PRR29: variants seen among roughly 807,000 people sequenced by gnomAD.
PRR29 encodes proline rich 29, also known as proline-rich protein 29.
Under a neutral mutation model 25.1 loss-of-function variants are expected in PRR29, and 20 were observed. That is an observed-to-expected ratio of 0.80 (90% confidence interval 0.56 to 1.16). PRR29 has a LOEUF of 1.16. Among genes scored for constraint, PRR29 ranks in the 50% most tolerant of loss-of-function variants. The probability of loss-of-function intolerance (pLI) is 0.00; values close to 1 mark genes in which losing one functional copy is unlikely to be tolerated. For missense variants in PRR29, 238 were observed against 246.6 expected (o/e 0.97, Z 0.23); for synonymous variants, 108 against 102.6 (o/e 1.05, Z -0.32).
At position 64,002,149 on chromosome 17, in the gene PRR29, A is replaced by T. The variant is rs1910815780; in HGVS notation, c.*388A>T. On this transcript the variant is annotated 3_prime_UTR_variant, in exon 6 of 6. Coordinates refer to ENST00000412177, the MANE Select transcript of PRR29 (RefSeq NM_001164257.2). The stretch of plus-strand genomic sequence containing the variant: ...CAGCCTAGTAATGGAGCAAGAGGGG[A>T]GGGGGGGATTCCTTCTGCTTTCCAC... 2 of 798,580 alleles carry T rather than the reference A, an allele frequency of 2.5e-6. No individual in the cohort carries two copies. Among genetic ancestry groups the T allele is most frequent in the East Asian group, 5.4e-5 (2 of 37,284 alleles). 49.5% of individuals were successfully genotyped at this position (798,580 alleles called of 1,614,324 possible). A position where few individuals can be genotyped will look rare whatever the true frequency, so the allele number is the denominator to read the frequency against.
At chr17:63,998,473 A>T (rs933980362) in intron 1 of PRR29, 49 bp downstream of exon 1, 15 of 1,444,858 alleles carry the variant, frequency 1.0e-5, no homozygotes, top group Non-Finnish European at 9.1e-7. Context: ...GGGAGACGGC[A>T]GAGTGGGGAG....
chr17:64,000,484 C>G (rs368847942), intron 3 of PRR29, among the ~76,000 whole-genome samples: 18 of 152,006 alleles, frequency 1.2e-4, no homozygotes, highest in African/African-American at 4.3e-4. Flanking sequence ...CGCCTGCCAC[C>G]ACACCCGGCT....
intron 5 of PRR29, 74 bp downstream of exon 5, chr17:64,001,611 C>T: frequency 6.7e-7 from 1 of 1,494,230 alleles, no homozygotes; most frequent in Non-Finnish European, 8.9e-7. Context: ...CCTGTGCCCT[C>T]TGGTGGGGTT....
Position 64,001,849 on chromosome 17 carries a change from C to G in PRR29, c.*88C>G, listed in dbSNP as rs1368781148. ...CTCCTGCACCTCTCTTGTCGACTCC[C>G]CGGTGCCCATGGCTGGCAGTCCTTC... On this transcript the variant is annotated 3_prime_UTR_variant, in exon 6 of 6. Transcript: ENST00000412177. 1 of 1,536,998 alleles carries G rather than the reference C, an allele frequency of 6.5e-7. No homozygotes were observed. The highest frequency in any genetic ancestry group is 1.4e-5 in the African/African-American group (1 of 73,138).
rs1461504849 is a variant in PRR29 at position 64,001,928 on chromosome 17, C to T, written c.*167C>T. 6.5e-7 allele frequency: 1 copy of T among 1,535,468 alleles called. No individual in the cohort carries two copies. The highest frequency in any genetic ancestry group is 8.7e-7 in the Non-Finnish European group (1 of 1,146,584). ...TTCTCCTGGGGAAATCAGTCCCTGC[C>T]CCACGCCAATGAGTTCCTGGACGGG... On this transcript the variant is annotated 3_prime_UTR_variant, in exon 6 of 6. Coordinates refer to ENST00000412177, the MANE Select transcript of PRR29 (RefSeq NM_001164257.2).
chr17:64,002,598 G>A lies in PRR29; in HGVS notation c.*837G>A. On this transcript the variant is annotated 3_prime_UTR_variant, in exon 6 of 6. Coordinates refer to ENST00000412177, the MANE Select transcript of PRR29 (RefSeq NM_001164257.2). Reference sequence around the variant, plus strand: ...GGAGACACTGTGGGCACAGGGCTAAGTCCAGGTGTTTGTATTCGGGCTAGA... The same window carrying A: ...GGAGACACTGTGGGCACAGGGCTAAATCCAGGTGTTTGTATTCGGGCTAGA... 1.4e-6 allele frequency: 1 copy of A among 718,374 alleles called. No individual in the cohort carries two copies. The highest frequency in any genetic ancestry group is 1.8e-5 in the South Asian group (1 of 55,674). The allele number at this position is 718,374 out of a possible 1,614,324, so 44.5% of individuals were successfully genotyped here. A position where few individuals can be genotyped will look rare whatever the true frequency, so the allele number is the denominator to read the frequency against.
In PRR29 at chr17:64,001,777, C is replaced by T; in HGVS notation, c.*16C>T. The T allele has an allele frequency of 6.5e-7, 1 of 1,537,180 alleles. No individual in the cohort carries two copies. The highest frequency in any genetic ancestry group is 8.7e-7 in the Non-Finnish European group (1 of 1,146,886). ...CCTCCTATGAGGACAGACCCCGGCC[C>T]TGGGAACTGCACCAGCTTCCTGCTC... On this transcript the variant is annotated 3_prime_UTR_variant, in exon 6 of 6. Coordinates refer to ENST00000412177, the MANE Select transcript of PRR29 (RefSeq NM_001164257.2).
rs1039921195 is a variant in PRR29, at chr17:63,998,427, G to A, written c.60+3G>A. Reference sequence around the variant, plus strand: ...CACCGCAGAGCGCAGTCCCGACGGTGAGGGCTGAGCCCGGGAGCAGATCCT... The same window carrying A: ...CACCGCAGAGCGCAGTCCCGACGGTAAGGGCTGAGCCCGGGAGCAGATCCT... On this transcript the variant is annotated splice_donor_region_variant and intron_variant, in intron 1 of 5. Transcript: ENST00000412177. 14 of 1,488,098 alleles carry A rather than the reference G, an allele frequency of 9.4e-6. No homozygotes were observed. The Middle Eastern group carries it at 7.0e-4, about 74-fold the overall frequency. The allele number at this position is 1,488,098 out of a possible 1,614,324, so 92.2% of individuals were successfully genotyped here. A position where few individuals can be genotyped will look rare whatever the true frequency, so the allele number is the denominator to read the frequency against.
Position 64,003,009 on chromosome 17 carries a change from C to A in PRR29, c.*1248C>A, listed in dbSNP as rs1410136357. 5.9e-6 allele frequency: 7 copies of A among 1,190,644 alleles called. No homozygotes were observed. The highest frequency in any genetic ancestry group is 8.3e-6 in the Non-Finnish European group (7 of 846,540). 73.8% of individuals were successfully genotyped at this position (1,190,644 alleles called of 1,614,324 possible). A position where few individuals can be genotyped will look rare whatever the true frequency, so the allele number is the denominator to read the frequency against. On this transcript the variant is annotated 3_prime_UTR_variant, in exon 6 of 6. Transcript: ENST00000412177. ...AAAGGGAGTGGAAGTCCACCCCCAA[C>A]CCAGACCCCCAGACCCCGCCGCCCG...
At position 64,002,744 on chromosome 17, in the gene PRR29, T is replaced by C; in HGVS notation, c.*983T>C. The C allele has an allele frequency of 1.9e-6, 3 of 1,610,244 alleles. No homozygotes were observed. Among genetic ancestry groups the C allele is most frequent in the Non-Finnish European group, 2.5e-6 (3 of 1,179,248 alleles). On this transcript the variant is annotated 3_prime_UTR_variant, in exon 6 of 6. Coordinates refer to ENST00000412177, the MANE Select transcript of PRR29 (RefSeq NM_001164257.2). ...GTGGTGGTGGCCATGCCACTCATGGTTGCTATGGCCGGAAGGCCTGGGGCA... is the reference window on the plus strand; with the variant it reads ...GTGGTGGTGGCCATGCCACTCATGGCTGCTATGGCCGGAAGGCCTGGGGCA...
chr17:63,999,050 C>G lies in PRR29; in HGVS notation c.219C>G (p.Pro73=). Residue 73 remains proline, a synonymous_variant, in exon 3 of 6, where the codon CCC becomes CCG. Transcript: ENST00000412177. ...LSRLVAGALQ[P]RPASPCPQVY... ...GCCTGGTGGCTGGAGCGCTGCAGCC[C>G]CGGCCTGCCTCGCCCTGCCCTCAGG... is the stretch of plus-strand genomic sequence containing the variant. 6 of 1,535,866 alleles carry G rather than the reference C, an allele frequency of 3.9e-6. No homozygotes were observed. Among genetic ancestry groups the G allele is most frequent in the Non-Finnish European group, 5.2e-6 (6 of 1,146,738 alleles).
In PRR29 at chr17:64,002,109, G is replaced by C. The variant is rs557509127; in HGVS notation, c.*348G>C. On this transcript the variant is annotated 3_prime_UTR_variant, in exon 6 of 6. Coordinates refer to ENST00000412177, the MANE Select transcript of PRR29 (RefSeq NM_001164257.2). ...TCTCCCTCACCCCTCTCTCTGGGAT[G>C]ATGAGGTCTCCTTCCAGCCTAGTAA... The C allele has an allele frequency of 1.1e-5, 12 of 1,049,698 alleles. No individual in the cohort carries two copies. The African/African-American group carries it at 1.3e-4, about 11-fold the overall frequency. The allele number at this position is 1,049,698 out of a possible 1,614,324, so 65.0% of individuals were successfully genotyped here. A position where few individuals can be genotyped will look rare whatever the true frequency, so the allele number is the denominator to read the frequency against.
chr17:64,004,285 A>G lies in PRR29; in HGVS notation c.*2524A>G. 1 of 310,486 alleles carries G rather than the reference A, an allele frequency of 3.2e-6. No individual in the cohort carries two copies. The highest frequency in any genetic ancestry group is 6.1e-6 in the Non-Finnish European group (1 of 164,748). The allele number at this position is 310,486 out of a possible 1,614,324, so 19.2% of individuals were successfully genotyped here. On this transcript the variant is annotated 3_prime_UTR_variant, in exon 6 of 6. Coordinates refer to ENST00000412177, the MANE Select transcript of PRR29 (RefSeq NM_001164257.2). ...ATGAAATATAAATTTCAAACATTAA[A>G]CAGTTGGGTGATCACGTTGAGAGAG...
chr17:63,999,349 G>A (rs558383589), intron 3 of PRR29: 4 of 531,436 alleles, frequency 7.5e-6, no homozygotes, highest in African/African-American at 5.7e-5. Context: ...CTCCAGGAAG[G>A]TAGGCACCCT....
rs201043316 is a variant in PRR29 at position 64,003,841 on chromosome 17, C to T, written c.*2080C>T. The stretch of plus-strand genomic sequence containing the variant: ...CTCATAGTGCAGAGTCTCATTGCCA[C>T]GGAACAGGAAGAGGGTGAGGCTGTC... On this transcript the variant is annotated 3_prime_UTR_variant, in exon 6 of 6. Coordinates refer to ENST00000412177, the MANE Select transcript of PRR29 (RefSeq NM_001164257.2). 3.3e-5 allele frequency: 53 copies of T among 1,614,210 alleles called. 1 individual carries two copies. The highest frequency in any genetic ancestry group is 3.2e-4 in the Admixed American group (19 of 60,028).
intron 5 of PRR29, 82 bp from the exon 6 acceptor site, chr17:64,001,651 C>T: frequency 3.3e-6 from 5 of 1,513,856 alleles, no homozygotes; most frequent in Non-Finnish European, 8.8e-7. Context: ...CTGCTGCAGG[C>T]AACTGGCCTG....
At chr17:63,999,484 C>A in intron 3 of PRR29, 1 of 236,078 alleles carries the variant, frequency 4.2e-6, no homozygotes, top group Non-Finnish European at 8.5e-6. Context: ...GCCAGGTTGG[C>A]TGTGATGGCA....
chr17:64,002,841 C>T lies in PRR29; in HGVS notation c.*1080C>T. On this transcript the variant is annotated 3_prime_UTR_variant, in exon 6 of 6. Coordinates refer to ENST00000412177, the MANE Select transcript of PRR29 (RefSeq NM_001164257.2). ...GCGCAAGTGCTGGCCGAAGATGAAG[C>T]AGAGCAGGACAGATGTCACGAACAG... 6.2e-7 allele frequency: 1 copy of T among 1,613,990 alleles called. No homozygotes were observed. The highest frequency in any genetic ancestry group is 8.5e-7 in the Non-Finnish European group (1 of 1,179,988).
Position 64,004,224 on chromosome 17 carries a change from A to C in PRR29, c.*2463A>C, listed in dbSNP as rs796068394. On this transcript the variant is annotated 3_prime_UTR_variant, in exon 6 of 6. Transcript: ENST00000412177. The stretch of plus-strand genomic sequence containing the variant: ...AGAAATTGTACAGCCAACTGGAAAG[A>C]TATAAAAGTTTGGGTCTGTCTCCTC... The C allele has an allele frequency of 2.9e-5, 14 of 486,374 alleles. No homozygotes were observed. The highest frequency in any genetic ancestry group is 2.7e-4 in the African/African-American group (14 of 52,188). The allele number at this position is 486,374 out of a possible 1,614,324, so 30.1% of individuals were successfully genotyped here.
Sources: gnomAD v4.1 joint callset for allele counts (sites outside exome capture counted in the v4.1 genomes callset) on GRCh38, gnomAD v4.1.1 for gene constraint, MANE v1.5 for transcripts, NCBI Gene and HGNC (gene_info 2026-07-23, HGNC 2026-07-21) for gene names.